The following CCDC178 variants were observed in gnomAD, a reference collection of about 807,000 sequenced individuals.
The protein encoded by CCDC178 is coiled-coil domain-containing protein 178.
A neutral mutation model predicts 117.4 loss-of-function variants in CCDC178; 126 were observed. The observed-to-expected ratio is 1.07, with a 90% confidence interval of 0.93 to 1.24. The LOEUF (loss-of-function observed/expected upper bound fraction) is 1.24. CCDC178 is among the 50% of genes most tolerant of loss of function. The pLI, the probability that CCDC178 is intolerant of heterozygous loss-of-function variation, is 0.00. For synonymous variants in CCDC178, 283 were observed against 313.4 expected (o/e 0.90, Z 1.02); for missense variants, 1,030 against 986.9 (o/e 1.04, Z -0.59).
intron 22 of CCDC178, among the ~76,000 whole-genome samples, chr18:32,972,030 C>A (rs959177147): frequency 2.0e-5 from 3 of 152,026 alleles, no homozygotes; most frequent in Non-Finnish European, 2.9e-5. Context: ...TTAATTAGAT[C>A]CCATTTGCCA....
chr18:33,409,506 G>A (rs571214748), intron 3 of CCDC178, among the ~76,000 whole-genome samples: 2 of 152,330 alleles, frequency 1.3e-5, no homozygotes, highest in African/African-American at 4.8e-5. Context: ...TATGCTGAAT[G>A]TACTTTCACA....
chr18:33,428,853 C>A (rs916782096), intron 2 of CCDC178, among the ~76,000 whole-genome samples: 5 of 150,654 alleles, frequency 3.3e-5, no homozygotes, highest in African/African-American at 1.2e-4. Context: ...TTCTCAGGAC[C>A]CTTTAATGTG....
At chr18:32,938,233 A>T in intron 22 of CCDC178, 142 bp from the exon 23 acceptor site, 1 of 629,740 alleles carries the variant, frequency 1.6e-6, no homozygotes. Context: ...TTTATAGGAG[A>T]CAAACAGTAT....
intron 12 of CCDC178, among the ~76,000 whole-genome samples, chr18:33,271,801 G>T (rs1165458174): frequency 6.6e-6 from 1 of 151,598 alleles, no homozygotes; most frequent in East Asian, 1.9e-4. Flanking sequence ...TAAACAGTAT[G>T]TTCCTTGATA....
intron 21 of CCDC178, among the ~76,000 whole-genome samples, chr18:33,007,046 T>C (rs2055766061): frequency 6.6e-6 from 1 of 152,096 alleles, no homozygotes; most frequent in African/African-American, 2.4e-5. Flanking sequence ...ATGTATTATA[T>C]GTTAAGTTGT....
intron 20 of CCDC178, among the ~76,000 whole-genome samples, chr18:33,206,404 C>T (rs1555661416): frequency 6.6e-6 from 1 of 150,742 alleles, no homozygotes; most frequent in Non-Finnish European, 1.5e-5. Flanking sequence ...AATTAAAAAA[C>T]AAAAAAGAAT....
intron 20 of CCDC178, among the ~76,000 whole-genome samples, chr18:33,172,869 C>T (rs271467): frequency 6.6e-6 from 1 of 151,972 alleles, no homozygotes; most frequent in Admixed American, 6.6e-5. Flanking sequence ...ACATTTAGGT[C>T]TTTCTATCTT....
chr18:33,215,210 A>G (rs1431230413), intron 19 of CCDC178, among the ~76,000 whole-genome samples: 1 of 152,004 alleles, frequency 6.6e-6, no homozygotes, highest in Non-Finnish European at 1.5e-5. Context: ...CATTTGGGTG[A>G]AAAAACATAA....
intron 3 of CCDC178, among the ~76,000 whole-genome samples, chr18:33,411,550 ATAAAG>A (rs1161747051): frequency 6.6e-6 from 1 of 151,648 alleles, no homozygotes; most frequent in African/African-American, 2.4e-5. Flanking sequence ...ATGCAAAAAA[ATAAAG>A]TAATGCAATA....
chr18:33,367,931 A>G (rs574793488), intron 6 of CCDC178, among the ~76,000 whole-genome samples: 91 of 151,856 alleles, frequency 6.0e-4, no homozygotes, highest in Non-Finnish European at 1.1e-3. Context: ...ATTCATAAAC[A>G]AAGAATTATC....
chr18:33,294,493 G>A (rs528128329), intron 11 of CCDC178, among the ~76,000 whole-genome samples: 2 of 152,282 alleles, frequency 1.3e-5, no homozygotes, highest in South Asian at 4.1e-4. Context: ...AATATATGGT[G>A]TGCTTATTGA....
intron 5 of CCDC178, among the ~76,000 whole-genome samples, chr18:33,381,980 T>C (rs1195951776): frequency 2.0e-5 from 3 of 152,192 alleles, no homozygotes; most frequent in Non-Finnish European, 4.4e-5. Flanking sequence ...CTTGAATTAA[T>C]TGGTTCATAA....
chr18:33,041,949 G>T (rs9945822), intron 21 of CCDC178, among the ~76,000 whole-genome samples: 23,118 of 151,800 alleles, frequency 0.15, 2,619 homozygotes, highest in African/African-American at 0.32. Flanking sequence ...ACTCATTTGA[G>T]GAGGAAGAAT....
At chr18:33,321,196 T>C (rs1334106800) in intron 11 of CCDC178, among the ~76,000 whole-genome samples, 1 of 152,170 alleles carries the variant, frequency 6.6e-6, no homozygotes, top group Admixed American at 6.5e-5. Context: ...ACTTCATGTC[T>C]AAAACACCAA....
chr18:33,439,912 AT>A (rs2064354804), intron 2 of CCDC178, 49 bp downstream of exon 2: 2 of 152,326 alleles, frequency 1.3e-5, no homozygotes, highest in South Asian at 4.1e-4. Flanking sequence ...AGATTGCTGG[AT>A]CTGACTTTTG....
At chr18:33,387,590 G>A (rs1055805736) in intron 5 of CCDC178, among the ~76,000 whole-genome samples, 13 of 152,092 alleles carry the variant, frequency 8.5e-5, no homozygotes, top group African/African-American at 1.9e-4. Flanking sequence ...CGACAAACTC[G>A]ACAAAAAGAA....
chr18:33,339,665 G>A (rs55816409), intron 9 of CCDC178, among the ~76,000 whole-genome samples: 11,044 of 151,724 alleles, frequency 0.073, 1,290 homozygotes, highest in African/African-American at 0.25. Context: ...TAACTGAATC[G>A]GCAGTGGCGG....
At position 33,068,232 on chromosome 18, in the gene CCDC178, C is replaced by T. The variant is rs1474867608; in HGVS notation, c.2388+24529G>A. Among the ~76,000 whole-genome samples, 4 of 152,062 alleles carry T rather than the reference C, an allele frequency of 2.6e-5. No individual in the cohort carries two copies. The South Asian group carries it at 6.2e-4, about 24-fold the overall frequency. ...AGATGGCTTTATTGCTAAATTCTATCAAACTTACTTATAAAGAAGAACTTA... is the reference window on the plus strand; with the variant it reads ...AGATGGCTTTATTGCTAAATTCTATTAAACTTACTTATAAAGAAGAACTTA... On this transcript the variant is annotated intron_variant, in intron 21 of 22. Coordinates refer to ENST00000383096, the MANE Select transcript of CCDC178 (RefSeq NM_001105528.4).
chr18:33,138,012 T>C (rs1264040949), intron 20 of CCDC178, among the ~76,000 whole-genome samples: 1 of 152,224 alleles, frequency 6.6e-6, no homozygotes, highest in Non-Finnish European at 1.5e-5. Flanking sequence ...CTCAAGGAAT[T>C]TGAAGTTGCA....
Sources: allele counts gnomAD v4.1 joint callset (sites outside exome capture counted in the v4.1 genomes callset), GRCh38; gene constraint gnomAD v4.1.1; transcripts MANE v1.5; gene names NCBI Gene and HGNC (gene_info 2026-07-23, HGNC 2026-07-21).